The following RAB8A variants were observed in gnomAD, a reference collection of about 807,000 sequenced individuals.
RAB8A encodes the protein RAB8A, member RAS oncogene family.
RAB8A carries 5 observed loss-of-function variants against 29.2 expected under a neutral mutation model. The ratio of observed to expected loss-of-function variants is 0.17; its 90% CI spans 0.09 to 0.36. The LOEUF is 0.36. Ranked by LOEUF, RAB8A falls within the 10% of genes least tolerant of loss-of-function variation. The pLI is 1.00. For missense variants in RAB8A, 171 were observed against 272.2 expected, an observed-to-expected ratio of 0.63 and a Z score of 2.62; for synonymous variants, 108 against 99.9, an observed-to-expected ratio of 1.08 and a Z score of -0.49.
intron 2 of RAB8A, among the ~76,000 whole-genome samples, chr19:16,119,922 T>G (rs1330021818): frequency 2.0e-5 from 3 of 151,958 alleles, no homozygotes; most frequent in African/African-American, 7.3e-5. Flanking sequence ...CAGGCAATTC[T>G]TCTGCCTCGG....
intron 1 of RAB8A, among the ~76,000 whole-genome samples, chr19:16,113,673 T>G (rs1394022760): frequency 2.0e-5 from 3 of 152,242 alleles, no homozygotes; most frequent in African/African-American, 7.2e-5. Context: ...GTGCTGGGAT[T>G]ACAAGCATGA....
rs532267606 is a variant in RAB8A at position 16,132,412 on chromosome 19, C to T, written c.*108C>T. The T allele has an allele frequency of 2.5e-4, 262 of 1,050,986 alleles. 4 individuals are homozygous for T. Among genetic ancestry groups the T allele is most frequent in the Middle Eastern group, 2.9e-4 (1 of 3,412 alleles). 65.1% of individuals were successfully genotyped at this position (1,050,986 alleles called of 1,614,324 possible). On this transcript the variant is annotated 3_prime_UTR_variant, in exon 8 of 8. Coordinates refer to ENST00000300935, the MANE Select transcript of RAB8A (RefSeq NM_005370.5). This position sits in a 1 kb window ranked among gnomAD's most constrained non-coding sequence, Gnocchi z 5.6. ...CCCACCTCCAACGCCCCGCCCACGC[C>T]GCGGCCACCGGGCCCACGGCCACCA...
intron 3 of RAB8A, chr19:16,124,288 T>C (rs1470917203): frequency 6.6e-6 from 1 of 152,226 alleles, no homozygotes. Context: ...GCAGTGACTT[T>C]CTTGCCCCAT....
rs527554072 is a variant in RAB8A, at chr19:16,116,584, C to G, written c.125-1642C>G. On this transcript the variant is annotated intron_variant, in intron 1 of 7. Transcript: ENST00000300935. ...TGGCACAGTGGCTCACGCCTGTAAT[C>G]CCAGTACTTTGGGAGGCTGAGGTGG... is the stretch of plus-strand genomic sequence containing the variant. Among the ~76,000 whole-genome samples, 6 of 152,276 alleles carry G rather than the reference C, an allele frequency of 3.9e-5. No homozygotes were observed. In the East Asian group the frequency reaches 1.2e-3, roughly 29 times the overall value.
At chr19:16,121,310 C>T (rs35182851) in intron 2 of RAB8A, among the ~76,000 whole-genome samples, 24,023 of 152,154 alleles carry the variant, frequency 0.16, 2,028 homozygotes, top group Non-Finnish European at 0.19. Flanking sequence ...CATCACCTCC[C>T]GGGCAATAGG....
At chr19:16,123,697 T>C (rs1320421729) in intron 3 of RAB8A, 1 of 152,160 alleles carries the variant, frequency 6.6e-6, no homozygotes, top group Non-Finnish European at 1.5e-5. Flanking sequence ...CCCTAGAGCC[T>C]TGTGTAGCCA....
chr19:16,115,221 G>C (rs957479122), intron 1 of RAB8A, among the ~76,000 whole-genome samples: 5 of 152,078 alleles, frequency 3.3e-5, no homozygotes, highest in Admixed American at 6.6e-5. Context: ...CCAGGAGGCA[G>C]AGGTTGCAGT....
intron 3 of RAB8A, among the ~76,000 whole-genome samples, chr19:16,123,360 C>A (rs2090883250): frequency 6.6e-6 from 1 of 152,210 alleles, no homozygotes. Flanking sequence ...GTAATCCCAG[C>A]ACTTTGGGAG....
chr19:16,121,977 T>C (rs7257577), intron 3 of RAB8A, 167 bp downstream of exon 3: 102,676 of 599,228 alleles, frequency 0.17, 9,481 homozygotes, highest in Middle Eastern at 0.21. Flanking sequence ...TGCCCCGGCC[T>C]ACCCCCATGT....
rs1599400897 is a variant in RAB8A at position 16,132,122 on chromosome 19, T to A, written c.532-90T>A. On this transcript the variant is annotated intron_variant, in intron 7 of 7. Coordinates refer to ENST00000300935, the MANE Select transcript of RAB8A (RefSeq NM_005370.5). The surrounding 1 kb of genome is among the most constrained non-coding windows in gnomAD (Gnocchi z 5.6). ...GTTGGTTGGATGGTTGGATGGATGG[T>A]TAGGTGGATGGTTAGGTGGATGGCT... 1.6e-5 allele frequency: 16 copies of A among 1,010,198 alleles called. No homozygotes were observed. The East Asian group carries it at 4.0e-4, about 25-fold the overall frequency. 62.6% of individuals were successfully genotyped at this position (1,010,198 alleles called of 1,614,324 possible). A position where few individuals can be genotyped will look rare whatever the true frequency, so the allele number is the denominator to read the frequency against.
At chr19:16,124,721 G>GC in intron 3 of RAB8A, 1 of 61,250 alleles carries the variant, frequency 1.6e-5, no homozygotes, top group East Asian at 5.3e-4. Context: ...GCCCCCCCCC[G>GC]CCCCCCGTGC....
chr19:16,120,609 C>CT (rs372155452), intron 2 of RAB8A, among the ~76,000 whole-genome samples: 21,759 of 130,508 alleles, frequency 0.17, 1,881 homozygotes, highest in Middle Eastern at 0.21. Flanking sequence ...ACACGCCTGG[C>CT]TTTTTTTTTT....
chr19:16,126,848 A>C (rs1221097334), intron 4 of RAB8A: 1 of 152,188 alleles, frequency 6.6e-6, no homozygotes, highest in East Asian at 1.9e-4. Context: ...AAATACAAAA[A>C]ATTAGCCTGG....
At position 16,118,217 on chromosome 19, in the gene RAB8A, T is replaced by C. The variant is rs1568319329; in HGVS notation, c.125-9T>C. The stretch of plus-strand genomic sequence containing the variant: ...GACAGTGACGTGCCTTTTTTCTTTT[T>C]TCTTTCAGGAATTGACTTTAAAATT... On this transcript the variant is annotated splice_polypyrimidine_tract_variant and intron_variant, in intron 1 of 7. Transcript: ENST00000300935. 2 of 1,606,040 alleles carry C rather than the reference T, an allele frequency of 1.2e-6. No homozygotes were observed. The highest frequency in any genetic ancestry group is 1.7e-6 in the Non-Finnish European group (2 of 1,179,268).
chr19:16,114,687 C>G (rs1463387051), intron 1 of RAB8A, among the ~76,000 whole-genome samples: 2 of 151,928 alleles, frequency 1.3e-5, no homozygotes, highest in East Asian at 3.9e-4. Context: ...CGCGCCCAGC[C>G]CAACCCCCCT....
At chr19:16,128,386 G>A (rs1333716776) in intron 6 of RAB8A, among the ~76,000 whole-genome samples, 1 of 152,182 alleles carries the variant, frequency 6.6e-6, no homozygotes, top group Admixed American at 6.5e-5. Flanking sequence ...AGGAAACTAA[G>A]GCTCAGAAAG....
chr19:16,115,687 A>G (rs926286727), intron 1 of RAB8A, among the ~76,000 whole-genome samples: 1 of 152,230 alleles, frequency 6.6e-6, no homozygotes, highest in African/African-American at 2.4e-5. Flanking sequence ...GGCTGCAGAA[A>G]GGACACAGGT....
rs1568321265 is a variant in RAB8A, at chr19:16,125,561, G to A, written c.324+14G>A. The A allele has an allele frequency of 1.2e-6, 2 of 1,605,940 alleles. No individual in the cohort carries two copies. The highest frequency in any genetic ancestry group is 1.3e-5 in the African/African-American group (1 of 74,618). ...AACATTGAGGAGGTGAGGCCCTCCGGCTCCTCCCACTGTCCCTGCTTCAGT... is the reference window on the plus strand; with the variant it reads ...AACATTGAGGAGGTGAGGCCCTCCGACTCCTCCCACTGTCCCTGCTTCAGT... On this transcript the variant is annotated intron_variant, in intron 4 of 7. Transcript: ENST00000300935. The surrounding 1 kb of genome is among the most constrained non-coding windows in gnomAD (Gnocchi z 5.0).
At chr19:16,119,133 G>A (rs945428809) in intron 2 of RAB8A, among the ~76,000 whole-genome samples, 8 of 152,138 alleles carry the variant, frequency 5.3e-5, no homozygotes, top group East Asian at 1.9e-4. Context: ...AAGTTTGACC[G>A]GTCACCCCCA....
Sources: allele counts gnomAD v4.1 joint callset (sites outside exome capture counted in the v4.1 genomes callset), GRCh38; gene constraint gnomAD v4.1.1; non-coding constraint Gnocchi (gnomAD v3.1); transcripts MANE v1.5; gene names NCBI Gene and HGNC (gene_info 2026-07-23, HGNC 2026-07-21).